Variants in TSPAN12 observed in about 807,000 individuals in gnomAD.
The protein encoded by TSPAN12 is tetraspanin-12.
In TSPAN12, 19 loss-of-function variants were observed where a neutral mutation model predicts 39.2. That is an observed-to-expected ratio of 0.49 (90% confidence interval 0.34 to 0.71). The LOEUF is 0.71. TSPAN12 is among the 30% of genes least tolerant of loss of function. The probability of loss-of-function intolerance (pLI) is 0.01; values close to 1 mark genes in which losing one functional copy is unlikely to be tolerated. For missense variants in TSPAN12, 314 were observed against 359.9 expected (o/e 0.87, Z 1.03); for synonymous variants, 119 against 124.8 (o/e 0.95, Z 0.31).
chr7:120,856,054 T>G (rs1794863918), intron 2 of TSPAN12, among the ~76,000 whole-genome samples: 1 of 152,234 alleles, frequency 6.6e-6, no homozygotes, highest in Admixed American at 6.5e-5. Flanking sequence ...GGCATAAAGA[T>G]TTCCATGAGC....
intron 7 of TSPAN12, among the ~76,000 whole-genome samples, chr7:120,799,546 A>ATATATAAT (rs1554399128): frequency 9.6e-5 from 10 of 103,714 alleles, no homozygotes; most frequent in African/African-American, 4.1e-4. Flanking sequence ...ATATATAATT[A>ATATATAAT]TATATATAAT....
intron 4 of TSPAN12, among the ~76,000 whole-genome samples, chr7:120,828,267 A>G (rs1038067172): frequency 1.3e-5 from 2 of 152,194 alleles, no homozygotes; most frequent in Admixed American, 6.5e-5. Flanking sequence ...GGATTAGGGA[A>G]TAGACACTCC....
At chr7:120,807,626 A>C (rs1249489982) in intron 6 of TSPAN12, among the ~76,000 whole-genome samples, 1 of 152,130 alleles carries the variant, frequency 6.6e-6, no homozygotes, top group Non-Finnish European at 1.5e-5. Flanking sequence ...TCCAGGTTTG[A>C]CATTGCATCA....
In TSPAN12 at chr7:120,857,219, A is replaced by G. The variant is rs188295866; in HGVS notation, c.-70-386T>C. The G allele has an allele frequency of 1.0e-5, 3 of 289,260 alleles. No homozygotes were observed. The East Asian group carries it at 2.6e-4, about 25-fold the overall frequency. 17.9% of individuals were successfully genotyped at this position (289,260 alleles called of 1,614,324 possible). On this transcript the variant is annotated intron_variant, in intron 1 of 7. Transcript: ENST00000222747. ...GGCACTGTCCTGAAGGTGAGAAACC[A>G]CACTGCCCCCTACCCCGGACACGTC...
intron 4 of TSPAN12, among the ~76,000 whole-genome samples, chr7:120,833,946 T>C (rs893133388): frequency 6.6e-6 from 1 of 152,164 alleles, no homozygotes; most frequent in Non-Finnish European, 1.5e-5. Context: ...TCTCTGTTAA[T>C]GGGAGAAGGA....
chr7:120,792,194 G>A (rs1022694124), intron 7 of TSPAN12, among the ~76,000 whole-genome samples: 5 of 152,180 alleles, frequency 3.3e-5, no homozygotes, highest in Non-Finnish European at 4.4e-5. Context: ...CAGCCTAGCC[G>A]CCACCAGAGG....
chr7:120,810,399 A>AACATCTGG, intron 6 of TSPAN12, 64 bp downstream of exon 6: 1 of 1,033,364 alleles, frequency 9.7e-7, no homozygotes, highest in Admixed American at 1.7e-5. Context: ...TAAAGCTTTA[A>AACATCTGG]ACATCTGGTT....
chr7:120,846,767 G>T (rs1794677923), intron 2 of TSPAN12, among the ~76,000 whole-genome samples: 1 of 152,200 alleles, frequency 6.6e-6, no homozygotes, highest in African/African-American at 2.4e-5. Context: ...ATATGTAACA[G>T]AACTGTAACA....
intron 5 of TSPAN12, among the ~76,000 whole-genome samples, chr7:120,810,912 C>A (rs1021117609): frequency 8.5e-5 from 13 of 152,202 alleles, no homozygotes; most frequent in Admixed American, 7.9e-4. Context: ...TAACAAATAA[C>A]CTCTGCAGAG....
intron 4 of TSPAN12, among the ~76,000 whole-genome samples, chr7:120,818,137 A>C (rs1012056024): frequency 6.6e-6 from 1 of 152,062 alleles, no homozygotes; most frequent in African/African-American, 2.4e-5. Context: ...GTGGCCTTAC[A>C]TGGTGAGCTA....
chr7:120,856,773 C>G lies in TSPAN12; in HGVS notation c.-10G>C, dbSNP rs771317992. On this transcript the variant is annotated 5_prime_UTR_variant, in exon 2 of 8. Transcript: ENST00000222747. ...AATCTTCTCTGGCCATTGTGAGCCC[C>G]GTAAGGGAGAAGCCCCATCCTTTCA... 9 of 1,613,992 alleles carry G rather than the reference C, an allele frequency of 5.6e-6. No homozygotes were observed. The highest frequency in any genetic ancestry group is 1.3e-5 in the African/African-American group (1 of 74,894).
At chr7:120,849,126 AC>A (rs1794725777) in intron 2 of TSPAN12, among the ~76,000 whole-genome samples, 2 of 152,360 alleles carry the variant, frequency 1.3e-5, no homozygotes, top group East Asian at 3.9e-4. Context: ...CAGTATTGCA[AC>A]ATGTTACCTG....
chr7:120,857,250 C>T, intron 1 of TSPAN12: 1 of 250,552 alleles, frequency 4.0e-6, no homozygotes, highest in Non-Finnish European at 7.9e-6. Context: ...ACGTCAGAGG[C>T]GCCACCGGCA....
intron 2 of TSPAN12, among the ~76,000 whole-genome samples, chr7:120,850,815 C>A (rs1794757294): frequency 6.6e-6 from 1 of 151,884 alleles, no homozygotes; most frequent in Non-Finnish European, 1.5e-5. Flanking sequence ...TCAGTCCCCC[C>A]AGTAGCTAGG....
chr7:120,793,939 T>G (rs1793581799), intron 7 of TSPAN12, among the ~76,000 whole-genome samples: 1 of 152,196 alleles, frequency 6.6e-6, no homozygotes, highest in African/African-American at 2.4e-5. Context: ...CCCTTTGAGG[T>G]TAGAATGTTT....
intron 7 of TSPAN12, among the ~76,000 whole-genome samples, chr7:120,797,915 C>T (rs2116312540): frequency 1.3e-5 from 2 of 152,264 alleles, no homozygotes; most frequent in Admixed American, 1.3e-4. Flanking sequence ...CTTAATTTCC[C>T]CACCTCAACT....
rs892165672 is a variant in TSPAN12, at chr7:120,857,915, C to T, written c.-166G>A. On this transcript the variant is annotated 5_prime_UTR_variant, in exon 1 of 8. Coordinates refer to ENST00000222747, the MANE Select transcript of TSPAN12 (RefSeq NM_012338.4). ...GGCAGGGAACTTCTTCGCGGAGAGC[C>T]GGAGGGCTGCATTGGCTTCAGCTGG... 1.3e-5 allele frequency: 2 copies of T among 152,144 alleles called. No individual in the cohort carries two copies. Among genetic ancestry groups the T allele is most frequent in the African/African-American group, 2.4e-5 (1 of 41,278 alleles). 9.4% of individuals were successfully genotyped at this position (152,144 alleles called of 1,614,324 possible).
Position 120,813,588 on chromosome 7 carries a change from A to C in TSPAN12, c.360+2141T>G, listed in dbSNP as rs147673760. 6.1e-3 allele frequency among the ~76,000 whole-genome samples: 933 copies of C among 152,346 alleles called. 9 individuals carry two copies. Among genetic ancestry groups the C allele is most frequent in the African/African-American group, 0.021 (889 of 41,582 alleles). Reference sequence around the variant, plus strand: ...GATTTACCAAATATTGGTATGGCATATATACTCTAATGCCCATGTTTAAAA... The same window carrying C: ...GATTTACCAAATATTGGTATGGCATCTATACTCTAATGCCCATGTTTAAAA... On this transcript the variant is annotated intron_variant, in intron 5 of 7. Transcript: ENST00000222747.
At chr7:120,836,102 C>G (rs73721472) in intron 4 of TSPAN12, among the ~76,000 whole-genome samples, 3 of 152,008 alleles carry the variant, frequency 2.0e-5, no homozygotes, top group Admixed American at 2.0e-4. Context: ...CAGAGGAGGA[C>G]AGAAAAGAGA....
Sources: allele counts gnomAD v4.1 joint callset (sites outside exome capture counted in the v4.1 genomes callset), GRCh38; gene constraint gnomAD v4.1.1; transcripts MANE v1.5; gene names NCBI Gene and HGNC (gene_info 2026-07-23, HGNC 2026-07-21).